The following DYNLL2 variants were observed in gnomAD, a reference collection of about 807,000 sequenced individuals.
The protein encoded by DYNLL2 is dynein light chain 2, cytoplasmic.
A neutral mutation model predicts 9.7 loss-of-function variants in DYNLL2; 1 was observed. The observed-to-expected ratio is 0.10, with a 90% confidence interval of 0.04 to 0.49. The LOEUF is 0.49. DYNLL2 is among the 20% of genes least tolerant of loss of function. The pLI is 0.95. For synonymous variants in DYNLL2, 35 were observed against 40.5 expected, an observed-to-expected ratio of 0.86 and a Z score of 0.52; for missense variants, 37 against 115.2, an observed-to-expected ratio of 0.32 and a Z score of 3.11.
intron 1 of DYNLL2, among the ~76,000 whole-genome samples, chr17:58,083,931 G>A (rs563172944): frequency 6.6e-6 from 1 of 151,718 alleles, no homozygotes; most frequent in African/African-American, 2.4e-5. Context: ...TGGCGCTGCT[G>A]GAGGCCCGGG....
In DYNLL2 at chr17:58,094,449, T is replaced by A. The variant is rs2075791139; in HGVS notation, c.*5170T>A. ...AGCCTTCTCCCTCCCTGCTCAATTATACCCATGTTATAGGGAAGGAAATAG... is the reference window on the plus strand; with the variant it reads ...AGCCTTCTCCCTCCCTGCTCAATTAAACCCATGTTATAGGGAAGGAAATAG... On this transcript the variant is annotated 3_prime_UTR_variant, in exon 3 of 3. Transcript: ENST00000579991. The A allele has an allele frequency of 6.6e-6, 1 of 152,186 alleles. No individual in the cohort carries two copies. The highest frequency in any genetic ancestry group is 2.4e-5 in the African/African-American group (1 of 41,432). 9.4% of individuals were successfully genotyped at this position (152,186 alleles called of 1,614,324 possible).
rs1420973943 is a variant in DYNLL2, at chr17:58,090,747, G to A, written c.*1468G>A. ...TTGTCTGTTAATGAAATAGGAGTGG[G>A]GTGGGGTTTGGGGTGGGGTGGTCAT... On this transcript the variant is annotated 3_prime_UTR_variant, in exon 3 of 3. Transcript: ENST00000579991. 2 of 150,920 alleles carry A rather than the reference G, an allele frequency of 1.3e-5. No individual in the cohort carries two copies. Among genetic ancestry groups the A allele is most frequent in the Admixed American group, 1.3e-4 (2 of 15,166 alleles). The allele number at this position is 150,920 out of a possible 1,614,324, so 9.3% of individuals were successfully genotyped here. A position where few individuals can be genotyped will look rare whatever the true frequency, so the allele number is the denominator to read the frequency against.
At chr17:58,088,703 A>C (rs984381477) in intron 2 of DYNLL2, among the ~76,000 whole-genome samples, 39 of 152,164 alleles carry the variant, frequency 2.6e-4, no homozygotes, top group Non-Finnish European at 5.1e-4. Context: ...CTTGGTGTTT[A>C]GCATTTGGAA....
intron 1 of DYNLL2, among the ~76,000 whole-genome samples, chr17:58,085,596 G>C (rs551363254): frequency 6.6e-6 from 1 of 152,258 alleles, no homozygotes; most frequent in South Asian, 2.1e-4. Context: ...CTCTGTTCCT[G>C]CATAGTACCT....
chr17:58,088,844 C>CG (rs1295063526), intron 2 of DYNLL2, among the ~76,000 whole-genome samples: 4 of 150,922 alleles, frequency 2.7e-5, no homozygotes, highest in Non-Finnish European at 5.9e-5. Context: ...CTAGGGGTGG[C>CG]GTGAGGGGGT....
At chr17:58,085,421 A>G (rs1567765755) in intron 1 of DYNLL2, among the ~76,000 whole-genome samples, 2 of 152,244 alleles carry the variant, frequency 1.3e-5, no homozygotes, top group East Asian at 3.9e-4. Flanking sequence ...TATGTCCTTG[A>G]GCAGGCAGCC....
At chr17:58,085,235 A>G (rs2075755397) in intron 1 of DYNLL2, among the ~76,000 whole-genome samples, 1 of 152,078 alleles carries the variant, frequency 6.6e-6, no homozygotes, top group Admixed American at 6.5e-5. Flanking sequence ...TGCTATCTAG[A>G]TGAAGGGGCC....
Position 58,094,594 on chromosome 17 carries a change from A to G in DYNLL2, c.*5315A>G, listed in dbSNP as rs1258732555. ...TGGCAGAGAGGACTAATTTTTTACT[A>G]GGTTCTGAGCCCTGTACTGAACTCT... On this transcript the variant is annotated 3_prime_UTR_variant, in exon 3 of 3. Coordinates refer to ENST00000579991, the MANE Select transcript of DYNLL2 (RefSeq NM_080677.3). The G allele has an allele frequency of 6.6e-6, 1 of 152,210 alleles. No homozygotes were observed. The highest frequency in any genetic ancestry group is 2.4e-5 in the African/African-American group (1 of 41,442). 9.4% of individuals were successfully genotyped at this position (152,210 alleles called of 1,614,324 possible).
Position 58,090,029 on chromosome 17 carries a change from G to C in DYNLL2, c.*750G>C, listed in dbSNP as rs2075774400. The C allele has an allele frequency of 2.5e-6, 1 of 397,718 alleles. No homozygotes were observed. The highest frequency in any genetic ancestry group is 4.4e-6 in the Non-Finnish European group (1 of 225,858). 24.6% of individuals were successfully genotyped at this position (397,718 alleles called of 1,614,324 possible). Reference sequence around the variant, plus strand: ...GAGGATGCTGGGGTAGGATTAGCTTGAATCTTTTTTTTCTTTACATTTTTC... The same window carrying C: ...GAGGATGCTGGGGTAGGATTAGCTTCAATCTTTTTTTTCTTTACATTTTTC... On this transcript the variant is annotated 3_prime_UTR_variant, in exon 3 of 3. Transcript: ENST00000579991.
intron 1 of DYNLL2, among the ~76,000 whole-genome samples, 170 bp downstream of exon 1, chr17:58,083,853 C>T (rs1279795557): frequency 6.6e-6 from 1 of 151,672 alleles, no homozygotes; most frequent in Non-Finnish European, 1.5e-5. Flanking sequence ...GGCAGCGCAG[C>T]GCGCCCCCGC....
Position 58,089,868 on chromosome 17 carries a change from G to A in DYNLL2, c.*589G>A, listed in dbSNP as rs1179776066. The A allele has an allele frequency of 5.0e-6, 2 of 398,690 alleles. No homozygotes were observed. The highest frequency in any genetic ancestry group is 8.8e-6 in the Non-Finnish European group (2 of 226,294). 24.7% of individuals were successfully genotyped at this position (398,690 alleles called of 1,614,324 possible). On this transcript the variant is annotated 3_prime_UTR_variant, in exon 3 of 3. Transcript: ENST00000579991. ...TGGGGTGGGGATGCCTTCTTTAGGGGCCCTGAGATGTGTTTGTCTGTGGTG... is the reference window on the plus strand; with the variant it reads ...TGGGGTGGGGATGCCTTCTTTAGGGACCCTGAGATGTGTTTGTCTGTGGTG...
intron 1 of DYNLL2, among the ~76,000 whole-genome samples, chr17:58,085,165 A>C (rs944849084): frequency 6.6e-6 from 1 of 152,186 alleles, no homozygotes; most frequent in Non-Finnish European, 1.5e-5. Context: ...GTGCTGGTCT[A>C]CTACCTCTTT....
In DYNLL2 at chr17:58,091,573, A is replaced by T. The variant is rs1467796574; in HGVS notation, c.*2294A>T. ...AGCTTTGCTGCTTCAACTTTTGCCC[A>T]AAGCTCTTATCTTTCATACTCCTCC... On this transcript the variant is annotated 3_prime_UTR_variant, in exon 3 of 3. Transcript: ENST00000579991. 6.6e-6 allele frequency: 1 copy of T among 152,188 alleles called. No individual in the cohort carries two copies. The highest frequency in any genetic ancestry group is 1.5e-5 in the Non-Finnish European group (1 of 68,058). 9.4% of individuals were successfully genotyped at this position (152,188 alleles called of 1,614,324 possible). A position where few individuals can be genotyped will look rare whatever the true frequency, so the allele number is the denominator to read the frequency against.
Position 58,089,368 on chromosome 17 carries a change from G to A in DYNLL2, c.*89G>A. 1 of 1,518,210 alleles carries A rather than the reference G, an allele frequency of 6.6e-7. No individual in the cohort carries two copies. The allele number at this position is 1,518,210 out of a possible 1,614,324, so 94.0% of individuals were successfully genotyped here. ...TGTTTTGCACTGGAGCCAGCATCAG[G>A]ATGTCCTCTCCAATGGCTGTGCTAC... is the stretch of plus-strand genomic sequence containing the variant. On this transcript the variant is annotated 3_prime_UTR_variant, in exon 3 of 3. Coordinates refer to ENST00000579991, the MANE Select transcript of DYNLL2 (RefSeq NM_080677.3).
intron 1 of DYNLL2, among the ~76,000 whole-genome samples, chr17:58,085,217 T>C (rs2075755324): frequency 6.6e-6 from 1 of 152,164 alleles, no homozygotes. Flanking sequence ...CCCTGCTTAG[T>C]TTGGCAGTGC....
intron 2 of DYNLL2, among the ~76,000 whole-genome samples, chr17:58,087,931 G>A (rs942508046): frequency 6.6e-6 from 1 of 152,328 alleles, no homozygotes; most frequent in South Asian, 2.1e-4. Flanking sequence ...CATAGTCCCA[G>A]CATTTGATAT....
intron 1 of DYNLL2, among the ~76,000 whole-genome samples, chr17:58,084,519 T>C (rs896176921): frequency 7.9e-5 from 12 of 152,148 alleles, no homozygotes; most frequent in African/African-American, 2.2e-4. Flanking sequence ...CCCAGGTCCC[T>C]TGCTTTTTCC....
At position 58,093,703 on chromosome 17, in the gene DYNLL2, T is replaced by C. The variant is rs1280671021; in HGVS notation, c.*4424T>C. On this transcript the variant is annotated 3_prime_UTR_variant, in exon 3 of 3. Transcript: ENST00000579991. Reference sequence around the variant, plus strand: ...CTCCCTCCTCCTTACTCCTCTCTACTAAGGATTAAGGAGCCACCTCTTCCT... The same window carrying C: ...CTCCCTCCTCCTTACTCCTCTCTACCAAGGATTAAGGAGCCACCTCTTCCT... 6.6e-6 allele frequency: 1 copy of C among 152,136 alleles called. No individual in the cohort carries two copies. The highest frequency in any genetic ancestry group is 1.9e-4 in the East Asian group (1 of 5,190). The allele number at this position is 152,136 out of a possible 1,614,324, so 9.4% of individuals were successfully genotyped here.
At position 58,089,531 on chromosome 17, in the gene DYNLL2, C is replaced by G. The variant is rs2075772553; in HGVS notation, c.*252C>G. The G allele has an allele frequency of 2.0e-6, 1 of 496,332 alleles. No individual in the cohort carries two copies. Among genetic ancestry groups the G allele is most frequent in the Middle Eastern group, 5.0e-4 (1 of 1,984 alleles). The allele number at this position is 496,332 out of a possible 1,614,324, so 30.7% of individuals were successfully genotyped here. A position where few individuals can be genotyped will look rare whatever the true frequency, so the allele number is the denominator to read the frequency against. ...TTAAAAATATTTTTTGGTTGTATTG[C>G]ACTAGGAAATCTCTCCCACCTCTCC... On this transcript the variant is annotated 3_prime_UTR_variant, in exon 3 of 3. Coordinates refer to ENST00000579991, the MANE Select transcript of DYNLL2 (RefSeq NM_080677.3).
Sources: allele counts gnomAD v4.1 joint callset (sites outside exome capture counted in the v4.1 genomes callset), GRCh38; gene constraint gnomAD v4.1.1; transcripts MANE v1.5; gene names NCBI Gene and HGNC (gene_info 2026-07-23, HGNC 2026-07-21).